Variants in RNF212 observed in about 807,000 individuals in gnomAD.
The protein encoded by RNF212 is ring finger protein 212, also known as probable E3 SUMO-protein ligase RNF212.
In RNF212, 33 loss-of-function variants were observed where a neutral mutation model predicts 34.7. The ratio of observed to expected loss-of-function variants is 0.95; its 90% CI spans 0.72 to 1.27. The LOEUF (loss-of-function observed/expected upper bound fraction) is 1.27, where lower values mean the gene tolerates loss of function less well. RNF212 is among the 50% of genes most tolerant of loss of function. The pLI is 0.00. For missense variants in RNF212, 377 were observed against 362.2 expected (o/e 1.04, Z -0.33); for synonymous variants, 140 against 136.1 (o/e 1.03, Z -0.20).
chr4:1,069,972 A>G (rs112262402), downstream of RNF212, among the ~76,000 whole-genome samples: 49 of 132,040 alleles, frequency 3.7e-4, no homozygotes, highest in Middle Eastern at 5.3e-3. Context: ...CCTAGCCTGA[A>G]TTACGGGTGG....
chr4:1,098,810 G>C (rs968300633), intron 2 of RNF212, among the ~76,000 whole-genome samples: 1 of 152,334 alleles, frequency 6.6e-6, no homozygotes, highest in Admixed American at 6.5e-5. Context: ...GCCCCCAGCA[G>C]AGCGTGGCCC....
intron 1 of RNF212, among the ~76,000 whole-genome samples, chr4:1,112,987 C>G (rs111216168): frequency 0.12 from 2,098 of 18,022 alleles, 374 homozygotes; most frequent in South Asian, 0.19. Context: ...CCTCTCCCCA[C>G]GGGCCCCTCA....
At chr4:1,083,837 G>A (rs1266839026) in intron 5 of RNF212, among the ~76,000 whole-genome samples, 1 of 151,756 alleles carries the variant, frequency 6.6e-6, no homozygotes, top group African/African-American at 2.4e-5. Context: ...TACTTGAAAA[G>A]ATAATGGGCA....
intron 3 of RNF212, among the ~76,000 whole-genome samples, chr4:1,063,072 G>A (rs1394147889): frequency 2.0e-5 from 3 of 152,176 alleles, no homozygotes; most frequent in Admixed American, 1.3e-4. Flanking sequence ...TAAAGGTAAA[G>A]CTATGTCCAA....
intron 4 of RNF212, among the ~76,000 whole-genome samples, chr4:1,057,658 C>T (rs1183262539): frequency 2.0e-5 from 3 of 152,244 alleles, no homozygotes; most frequent in South Asian, 2.1e-4. Context: ...TTATAGAAGA[C>T]GCCTGCTGAC....
intron 3 of RNF212, 46 bp from the exon 4 acceptor site, chr4:1,090,884 C>A: frequency 1.6e-6 from 2 of 1,279,926 alleles, no homozygotes; most frequent in South Asian, 1.2e-5. Flanking sequence ...TCCACGGTCT[C>A]TGTGGCTGGA....
intron 3 of RNF212, chr4:1,093,770 A>G (rs1472375940): frequency 6.5e-7 from 1 of 1,536,270 alleles, no homozygotes; most frequent in Non-Finnish European, 8.7e-7. Context: ...GGTGTGAATG[A>G]GGGTCCTGCT....
rs923206690 is a variant in RNF212, at chr4:1,072,356, C to G, written c.*518G>C. On this transcript the variant is annotated 3_prime_UTR_variant, in exon 10 of 10. Transcript: ENST00000433731. Reference sequence around the variant, plus strand: ...ATGTCACTAGATATTTGTTCAAACCCATAGAACATTCGACACCTAGAGTGA... The same window carrying G: ...ATGTCACTAGATATTTGTTCAAACCGATAGAACATTCGACACCTAGAGTGA... 3.2e-5 allele frequency: 5 copies of G among 155,540 alleles called. No homozygotes were observed. The highest frequency in any genetic ancestry group is 1.2e-4 in the African/African-American group (5 of 41,402). 9.6% of individuals were successfully genotyped at this position (155,540 alleles called of 1,614,324 possible).
intron 2 of RNF212, chr4:1,099,693 G>A (rs1425514388): frequency 8.8e-6 from 4 of 456,186 alleles, no homozygotes; most frequent in East Asian, 1.4e-4. Flanking sequence ...GTACAGTAAC[G>A]AGGATACATA....
At chr4:1,070,317 T>C (rs1718377141), downstream of RNF212, among the ~76,000 whole-genome samples, 1 of 149,144 alleles carries the variant, frequency 6.7e-6, no homozygotes, top group Non-Finnish European at 1.5e-5. Context: ...GACTGTACTG[T>C]GTCAGCGTGG....
At chr4:1,091,353 G>C (rs1722157595) in intron 3 of RNF212, among the ~76,000 whole-genome samples, 1 of 152,240 alleles carries the variant, frequency 6.6e-6, no homozygotes, top group South Asian at 2.1e-4. Flanking sequence ...TAGACAGCTT[G>C]AACTGGGTTT....
downstream of RNF212, among the ~76,000 whole-genome samples, chr4:1,070,144 G>A (rs1445463247): frequency 1.3e-5 from 2 of 150,456 alleles, no homozygotes; most frequent in African/African-American, 2.5e-5. Context: ...GGGTGGTTTC[G>A]TAGGACTGCG....
chr4:1,097,394 G>A (rs1032004181), intron 2 of RNF212, among the ~76,000 whole-genome samples: 2 of 151,370 alleles, frequency 1.3e-5, no homozygotes, highest in Non-Finnish European at 3.0e-5. Context: ...CACAAGGTCA[G>A]GAGATCGAGA....
At chr4:1,087,753 CT>C (rs890851098) in intron 4 of RNF212, among the ~76,000 whole-genome samples, 1 of 151,782 alleles carries the variant, frequency 6.6e-6, no homozygotes, top group African/African-American at 2.4e-5. Flanking sequence ...CATGGGGGTG[CT>C]TTCCCCCATG....
At position 1,084,669 on chromosome 4, in the gene RNF212, G is replaced by A. The variant is rs551949718; in HGVS notation, c.362+1227C>T. 6.6e-4 allele frequency among the ~76,000 whole-genome samples: 98 copies of A among 149,540 alleles called. 1 individual carries two copies. The highest frequency in any genetic ancestry group is 8.7e-4 in the Non-Finnish European group (59 of 67,652). ...CACCTGAGCCTTGGGAGGTTGAGGC[G>A]TGAGCTGAGATCACGCCACTGCACT... On this transcript the variant is annotated intron_variant, in intron 5 of 9. Coordinates refer to ENST00000433731, the MANE Select transcript of RNF212 (RefSeq NM_001131034.4).
intron 3 of RNF212, among the ~76,000 whole-genome samples, chr4:1,091,970 T>C (rs551340346): frequency 3.9e-5 from 6 of 152,272 alleles, no homozygotes; most frequent in East Asian, 3.9e-4. Flanking sequence ...CTTGTGCACA[T>C]TGCAGGCCAT....
chr4:1,090,197 G>A (rs974738879), intron 4 of RNF212, among the ~76,000 whole-genome samples: 3 of 151,812 alleles, frequency 2.0e-5, no homozygotes, highest in Admixed American at 2.0e-4. Flanking sequence ...GACAGGGCAA[G>A]GTGACAAGAC....
At chr4:1,063,803 G>A (rs1046226648) in intron 3 of RNF212, among the ~76,000 whole-genome samples, 4 of 151,894 alleles carry the variant, frequency 2.6e-5, no homozygotes, top group Non-Finnish European at 4.4e-5. Flanking sequence ...GAGCCCAGGA[G>A]GTCCAGGCTG....
At chr4:1,107,652 G>T (rs1725036013) in intron 2 of RNF212, among the ~76,000 whole-genome samples, 1 of 150,932 alleles carries the variant, frequency 6.6e-6, no homozygotes, top group Non-Finnish European at 1.5e-5. Flanking sequence ...GGGTTTCACT[G>T]AGTTGGCCAG....
Sources: gnomAD v4.1 joint callset for allele counts (sites outside exome capture counted in the v4.1 genomes callset) on GRCh38, gnomAD v4.1.1 for gene constraint, MANE v1.5 for transcripts, NCBI Gene and HGNC (gene_info 2026-07-23, HGNC 2026-07-21) for gene names.